Variants in PAIP2 observed in about 807,000 individuals in gnomAD.
PAIP2 encodes polyadenylate-binding protein-interacting protein 2.
PAIP2 carries 7 observed loss-of-function variants against 14.8 expected under a neutral mutation model. The ratio of observed to expected loss-of-function variants is 0.47; its 90% CI spans 0.27 to 0.89. The LOEUF is 0.89. PAIP2 is among the 40% of genes least tolerant of loss of function. The probability of loss-of-function intolerance (pLI) is 0.13; values close to 1 mark genes in which losing one functional copy is unlikely to be tolerated. For synonymous variants in PAIP2, 47 were observed against 45.3 expected (o/e 1.04, Z -0.15); for missense variants, 122 against 154.7 (o/e 0.79, Z 1.12).
chr5:139,364,426 G>A (rs1757157656), intron 2 of PAIP2, 138 bp from the exon 3 acceptor site: 1 of 545,328 alleles, frequency 1.8e-6, no homozygotes, highest in Admixed American at 3.4e-5. Context: ...ATTATGGTAA[G>A]CATTTTTTTT....
intron 1 of PAIP2, among the ~76,000 whole-genome samples, chr5:139,358,995 G>T (rs1756995615): frequency 6.6e-6 from 1 of 152,070 alleles, no homozygotes; most frequent in African/African-American, 2.4e-5. Context: ...CTTTTTTTGA[G>T]ACGAGGTCTT....
chr5:139,351,877 CT>C (rs1472531789), intron 1 of PAIP2, among the ~76,000 whole-genome samples: 1 of 152,078 alleles, frequency 6.6e-6, no homozygotes, highest in Non-Finnish European at 1.5e-5. Flanking sequence ...CCACACTGAT[CT>C]TGAATTCCTG....
Position 139,364,565 on chromosome 5 carries a change from T to C in PAIP2, c.140T>C (p.Ile47Thr). 1 of 1,559,530 alleles carries C rather than the reference T, an allele frequency of 6.4e-7. No individual in the cohort carries two copies. Among genetic ancestry groups the C allele is most frequent in the Non-Finnish European group, 8.8e-7 (1 of 1,132,200 alleles). ...AATTATCCTTTATTATAAATCTAGA[T>C]AGAAGAGGAGTTATGGGAAGAAGAA... ...MENEEEFNRQ[I>T]EEELWEEEFI... The change falls in exon 3 of 4, where the codon ATA (isoleucine) becomes ACA (threonine). Residue 47 changes from isoleucine (I) to threonine (T), a missense_variant and splice_region_variant. Coordinates refer to ENST00000265192, the MANE Select transcript of PAIP2 (RefSeq NM_016480.5).
chr5:139,350,382 C>G (rs1315044752), intron 1 of PAIP2, among the ~76,000 whole-genome samples: 2 of 151,926 alleles, frequency 1.3e-5, no homozygotes, highest in Non-Finnish European at 2.9e-5. Flanking sequence ...CCTGTAATCC[C>G]AGCACTTTGG....
chr5:139,350,639 AAAT>A (rs1360954259), intron 1 of PAIP2, among the ~76,000 whole-genome samples: 3 of 150,908 alleles, frequency 2.0e-5, no homozygotes, highest in Admixed American at 1.3e-4. Context: ...TCAAAAAAAT[AAAT>A]AAATAAATAA....
intron 1 of PAIP2, among the ~76,000 whole-genome samples, chr5:139,345,375 C>T (rs1756508389): frequency 6.6e-6 from 1 of 152,000 alleles, no homozygotes; most frequent in Admixed American, 6.6e-5. Flanking sequence ...CTTACTGTGC[C>T]AAATAGTAAA....
intron 1 of PAIP2, among the ~76,000 whole-genome samples, chr5:139,361,622 C>T (rs1179322718): frequency 5.5e-4 from 84 of 152,172 alleles, no homozygotes; most frequent in Non-Finnish European, 7.4e-5. Flanking sequence ...AGACATCAGG[C>T]TTGTATTTGA....
At chr5:139,342,446 G>T (rs1037672712) in intron 1 of PAIP2, 2 of 152,150 alleles carry the variant, frequency 1.3e-5, no homozygotes, top group African/African-American at 2.4e-5. Flanking sequence ...CCGAGGCTGG[G>T]GTTTGGGGAG....
intron 1 of PAIP2, among the ~76,000 whole-genome samples, chr5:139,351,131 A>G (rs1235361867): frequency 6.6e-6 from 1 of 152,268 alleles, no homozygotes; most frequent in East Asian, 1.9e-4. Context: ...ATACATATAT[A>G]ATATCTGGGA....
chr5:139,347,129 G>A (rs1341753564), intron 1 of PAIP2, among the ~76,000 whole-genome samples: 1 of 152,070 alleles, frequency 6.6e-6, no homozygotes, highest in East Asian at 1.9e-4. Context: ...TTTTTAAAAG[G>A]AAAGAAAATT....
intron 1 of PAIP2, among the ~76,000 whole-genome samples, chr5:139,355,674 G>A (rs1163745485): frequency 6.6e-6 from 1 of 152,112 alleles, no homozygotes; most frequent in African/African-American, 2.4e-5. Flanking sequence ...GGCCAACATG[G>A]TGAAACCCCT....
At chr5:139,359,327 CAG>C (rs1175413979) in intron 1 of PAIP2, among the ~76,000 whole-genome samples, 22 of 151,948 alleles carry the variant, frequency 1.4e-4, no homozygotes, top group Non-Finnish European at 2.5e-4. Flanking sequence ...TCAGTAGAGA[CAG>C]GGTTTCGCCA....
At chr5:139,368,700 A>G (rs1234625671) in intron 3 of PAIP2, 33 bp from the exon 4 acceptor site, 2 of 1,497,296 alleles carry the variant, frequency 1.3e-6, no homozygotes, top group South Asian at 2.3e-5. Context: ...AACTGTGTTA[A>G]TGAACTTGCT....
intron 1 of PAIP2, among the ~76,000 whole-genome samples, chr5:139,345,034 T>G (rs961584805): frequency 3.3e-5 from 5 of 151,752 alleles, no homozygotes; most frequent in African/African-American, 7.2e-5. Flanking sequence ...CCCATGGGTT[T>G]TTGTTGTTGT....
intron 1 of PAIP2, among the ~76,000 whole-genome samples, 155 bp downstream of exon 1, chr5:139,342,135 AG>A (rs2152041942): frequency 6.6e-6 from 1 of 151,634 alleles, no homozygotes; most frequent in Non-Finnish European, 1.5e-5. Flanking sequence ...ACCAAGTCTG[AG>A]GGATGAGCTT....
In PAIP2 at chr5:139,369,093, G is replaced by A. The variant is rs11548837; in HGVS notation, c.*295G>A. On this transcript the variant is annotated 3_prime_UTR_variant, in exon 4 of 4. Coordinates refer to ENST00000265192, the MANE Select transcript of PAIP2 (RefSeq NM_016480.5). ...TAAAAGACCTAAACCTTACCAAATT[G>A]TCTTTTTTTGAGGCTAATCTATCAC... is the stretch of plus-strand genomic sequence containing the variant. 4.3e-6 allele frequency: 1 copy of A among 231,008 alleles called. No homozygotes were observed. The highest frequency in any genetic ancestry group is 8.4e-6 in the Non-Finnish European group (1 of 119,506). The allele number at this position is 231,008 out of a possible 1,614,324, so 14.3% of individuals were successfully genotyped here. A position where few individuals can be genotyped will look rare whatever the true frequency, so the allele number is the denominator to read the frequency against.
intron 1 of PAIP2, among the ~76,000 whole-genome samples, chr5:139,356,400 C>T (rs544054519): frequency 1.3e-4 from 20 of 151,144 alleles, no homozygotes; most frequent in South Asian, 6.3e-4. Flanking sequence ...GAGCCAAGAT[C>T]GCGCCATTGC....
intron 1 of PAIP2, among the ~76,000 whole-genome samples, chr5:139,347,839 A>G (rs1191112477): frequency 3.9e-5 from 6 of 152,082 alleles, no homozygotes; most frequent in Admixed American, 2.6e-4. Flanking sequence ...CTTTTGAACT[A>G]TTTTACAAAG....
At chr5:139,355,952 A>G (rs1401859268) in intron 1 of PAIP2, among the ~76,000 whole-genome samples, 2 of 150,820 alleles carry the variant, frequency 1.3e-5, no homozygotes, top group Non-Finnish European at 1.5e-5. Flanking sequence ...GCTGGCCAAC[A>G]TGGTGAAAAC....
Sources: gnomAD v4.1 joint callset for allele counts (sites outside exome capture counted in the v4.1 genomes callset) on GRCh38, gnomAD v4.1.1 for gene constraint, MANE v1.5 for transcripts, NCBI Gene and HGNC (gene_info 2026-07-23, HGNC 2026-07-21) for gene names.